The following DCUN1D5 variants were observed in gnomAD, a reference collection of about 807,000 sequenced individuals.
DCUN1D5 encodes the protein DCN1-like protein 5.
In DCUN1D5, 10 loss-of-function variants were observed where a neutral mutation model predicts 38.3. That is an observed-to-expected ratio of 0.26 (90% CI 0.16 to 0.44). The LOEUF is 0.44. Ranked by LOEUF, DCUN1D5 falls within the 20% of genes least tolerant of loss-of-function variation. The pLI is 1.00. For missense variants in DCUN1D5, 148 were observed against 275.3 expected (o/e 0.54, Z 3.27); for synonymous variants, 93 against 90.9 (o/e 1.02, Z -0.13).
rs568245892 is a variant in DCUN1D5, at chr11:103,057,444, C to CTGTA, written c.*4911_*4914dup. 3.2e-3 allele frequency among the ~76,000 whole-genome samples: 485 copies of CTGTA among 152,118 alleles called. 3 individuals carry two copies. Among genetic ancestry groups the CTGTA allele is most frequent in the African/African-American group, 0.011 (458 of 41,486 alleles). On this transcript the variant is annotated 3_prime_UTR_variant, in exon 8 of 8. Coordinates refer to ENST00000260247, the MANE Select transcript of DCUN1D5 (RefSeq NM_032299.4). This position sits in a 1 kb window ranked among gnomAD's most constrained non-coding sequence, Gnocchi z 4.8. ...ATTTCCCAGGAGTGGTGGCTCACAC[C>CTGTA]TGTAATCCCAGCACTTTGGGAGTCT...
At chr11:103,082,640 C>G in intron 4 of DCUN1D5, 108 bp downstream of exon 4, 1 of 747,856 alleles carries the variant, frequency 1.3e-6, no homozygotes, top group East Asian at 2.7e-5. Flanking sequence ...ATAGATCAAA[C>G]AGATTTGATT....
rs772407672 is a variant in DCUN1D5, at chr11:103,064,235, G to C, written c.658+40C>G. ...TGCATACTCTCATTTAATATTTTTG[G>C]AAATTTTGTTTTCAAAGGAACATGT... On this transcript the variant is annotated intron_variant, in intron 7 of 7. Transcript: ENST00000260247. The surrounding 1 kb of genome is among the most constrained non-coding windows in gnomAD (Gnocchi z 4.5). 2.0e-6 allele frequency: 3 copies of C among 1,534,416 alleles called. No homozygotes were observed. The highest frequency in any genetic ancestry group is 2.7e-6 in the Non-Finnish European group (3 of 1,119,378).
rs1337735245 is a variant in DCUN1D5 at position 103,086,275 on chromosome 11, A to G, written c.179-2949T>C. On this transcript the variant is annotated intron_variant, in intron 2 of 7. Transcript: ENST00000260247. This position sits in a 1 kb window ranked among gnomAD's most constrained non-coding sequence, Gnocchi z 4.1. Reference sequence around the variant, plus strand: ...ACACTGTAAAAAACACACAACCAGTAAATCTGATGCTGTAATGCTATTACT... The same window carrying G: ...ACACTGTAAAAAACACACAACCAGTGAATCTGATGCTGTAATGCTATTACT... Among the ~76,000 whole-genome samples, 9 of 152,204 alleles carry G rather than the reference A, an allele frequency of 5.9e-5. No individual in the cohort carries two copies. The highest frequency in any genetic ancestry group is 1.9e-4 in the African/African-American group (8 of 41,456).
chr11:103,068,375 G>A lies in DCUN1D5; in HGVS notation c.342-1808C>T, dbSNP rs187699178. ...ATCATCCTACCATAAAGATATGCAG[G>A]TGAATGTTCATTGCAGCACTATTCA... On this transcript the variant is annotated intron_variant, in intron 4 of 7. Transcript: ENST00000260247. Among the ~76,000 whole-genome samples, 169 of 152,208 alleles carry A rather than the reference G, an allele frequency of 1.1e-3. 1 individual carries two copies. The highest frequency in any genetic ancestry group is 0.01 in the Admixed American group (157 of 15,282).
Position 103,052,199 on chromosome 11 carries a change from C to G in DCUN1D5, c.*10160G>C, listed in dbSNP as rs1384225927. On this transcript the variant is annotated 3_prime_UTR_variant, in exon 8 of 8. Transcript: ENST00000260247. ...CATGAGTCAGGCACCATGCTGAGAG[C>G]TGAAGACATGGTTTCTGCCCTCAAG... 1 of 152,164 alleles carries G rather than the reference C, an allele frequency of 6.6e-6. No homozygotes were observed. Among genetic ancestry groups the G allele is most frequent in the Non-Finnish European group, 1.5e-5 (1 of 68,028 alleles). The allele number at this position is 152,164 out of a possible 1,614,324, so 9.4% of individuals were successfully genotyped here.
Position 103,073,294 on chromosome 11 carries a change from AAG to A in DCUN1D5, c.342-6729_342-6728del, listed in dbSNP as rs1286072762. The stretch of plus-strand genomic sequence containing the variant: ...GTATTCAAAGCAAGACTGACAAAAA[AAG>A]AGAGAAGACAAAAATTACCAATATC... On this transcript the variant is annotated intron_variant, in intron 4 of 7. Transcript: ENST00000260247. This position sits in a 1 kb window ranked among gnomAD's most constrained non-coding sequence, Gnocchi z 4.2. 2.6e-5 allele frequency among the ~76,000 whole-genome samples: 4 copies of A among 152,222 alleles called. No homozygotes were observed. The highest frequency in any genetic ancestry group is 1.5e-5 in the Non-Finnish European group (1 of 68,038).
intron 3 of DCUN1D5, 72 bp from the exon 4 acceptor site, chr11:103,082,911 A>T: frequency 1.6e-6 from 2 of 1,221,236 alleles, no homozygotes; most frequent in Middle Eastern, 4.2e-4. Flanking sequence ...TTTATCATGG[A>T]GAGCATTTTT....
intron 4 of DCUN1D5, among the ~76,000 whole-genome samples, chr11:103,074,704 G>C (rs936519060): frequency 1.3e-5 from 2 of 152,074 alleles, no homozygotes; most frequent in African/African-American, 4.8e-5. Flanking sequence ...ATGCCCAGGA[G>C]TTTTTAATCT....
In DCUN1D5 at chr11:103,051,428, TA is replaced by T. The variant is rs931360939; in HGVS notation, c.*10930del. 6 of 150,168 alleles carry T rather than the reference TA, an allele frequency of 4.0e-5. No individual in the cohort carries two copies. Among genetic ancestry groups the T allele is most frequent in the African/African-American group, 1.5e-4 (6 of 40,440 alleles). 9.3% of individuals were successfully genotyped at this position (150,168 alleles called of 1,614,324 possible). On this transcript the variant is annotated 3_prime_UTR_variant, in exon 8 of 8. Transcript: ENST00000260247. ...GTTCATGACTTATTCACCTGTGACA[TA>T]ACTTTGGAGTCTCATGGGAGTTCCA...
At position 103,091,918 on chromosome 11, in the gene DCUN1D5, G is replaced by T. The variant is rs760172719; in HGVS notation, c.-46C>A. 5 of 1,553,268 alleles carry T rather than the reference G, an allele frequency of 3.2e-6. No individual in the cohort carries two copies. Among genetic ancestry groups the T allele is most frequent in the Admixed American group, 1.8e-5 (1 of 56,648 alleles). ...GTGGGCAGGGGAGCCGGGGAAGGGG[G>T]TCCCTGTCCGCTGGAAGCCCCTCAG... On this transcript the variant is annotated 5_prime_UTR_variant, in exon 1 of 8. Coordinates refer to ENST00000260247, the MANE Select transcript of DCUN1D5 (RefSeq NM_032299.4). This position sits in a 1 kb window ranked among gnomAD's most constrained non-coding sequence, Gnocchi z 4.3.
intron 4 of DCUN1D5, among the ~76,000 whole-genome samples, chr11:103,067,990 A>G (rs1322657212): frequency 6.6e-6 from 1 of 152,194 alleles, no homozygotes; most frequent in Non-Finnish European, 1.5e-5. Flanking sequence ...GGGAAGGAAA[A>G]CTTTTAACTA....
In DCUN1D5 at chr11:103,066,182, T is replaced by C. The variant is rs375585837; in HGVS notation, c.555+87A>G. ...TCTCTAAAGTTTTTTTAAAGCATACTATTAAAAATCTACTTGTTCCTCAAA... is the reference window on the plus strand; with the variant it reads ...TCTCTAAAGTTTTTTTAAAGCATACCATTAAAAATCTACTTGTTCCTCAAA... On this transcript the variant is annotated intron_variant, in intron 6 of 7. Coordinates refer to ENST00000260247, the MANE Select transcript of DCUN1D5 (RefSeq NM_032299.4). The surrounding 1 kb of genome is among the most constrained non-coding windows in gnomAD (Gnocchi z 4.7). The C allele has an allele frequency of 1.9e-5, 15 of 804,448 alleles. No homozygotes were observed. In the East Asian group the frequency reaches 3.8e-4, roughly 20 times the overall value. 49.8% of individuals were successfully genotyped at this position (804,448 alleles called of 1,614,324 possible).
At position 103,053,975 on chromosome 11, in the gene DCUN1D5, A is replaced by G. The variant is rs1282306951; in HGVS notation, c.*8384T>C. 6.6e-6 allele frequency: 1 copy of G among 152,162 alleles called. No individual in the cohort carries two copies. Among genetic ancestry groups the G allele is most frequent in the Non-Finnish European group, 1.5e-5 (1 of 67,988 alleles). 9.4% of individuals were successfully genotyped at this position (152,162 alleles called of 1,614,324 possible). A position where few individuals can be genotyped will look rare whatever the true frequency, so the allele number is the denominator to read the frequency against. ...TCCTCATGTTACAGACAAGGAAATGAAAGAACTAGCACACAGAAATAGGTA... is the reference window on the plus strand; with the variant it reads ...TCCTCATGTTACAGACAAGGAAATGGAAGAACTAGCACACAGAAATAGGTA... On this transcript the variant is annotated 3_prime_UTR_variant, in exon 8 of 8. Coordinates refer to ENST00000260247, the MANE Select transcript of DCUN1D5 (RefSeq NM_032299.4). This position sits in a 1 kb window ranked among gnomAD's most constrained non-coding sequence, Gnocchi z 4.8.
intron 2 of DCUN1D5, among the ~76,000 whole-genome samples, chr11:103,088,157 T>C (rs1338174083): frequency 6.6e-6 from 1 of 152,152 alleles, no homozygotes; most frequent in Non-Finnish European, 1.5e-5. Context: ...AGTCTCACAT[T>C]CCATACAATT....
Position 103,092,114 on chromosome 11 carries a change from G to A in DCUN1D5, c.-242C>T, listed in dbSNP as rs1032851630. 1 of 482,988 alleles carries A rather than the reference G, an allele frequency of 2.1e-6. No homozygotes were observed. Among genetic ancestry groups the A allele is most frequent in the Non-Finnish European group, 3.7e-6 (1 of 272,740 alleles). 29.9% of individuals were successfully genotyped at this position (482,988 alleles called of 1,614,324 possible). ...GGACACTGCGGTTCGTTCTCACCGG[G>A]AGGAGATAACGCGGACAGCGCGGCA... On this transcript the variant is annotated 5_prime_UTR_variant, in exon 1 of 8. Transcript: ENST00000260247.
In DCUN1D5 at chr11:103,091,885, C is replaced by A; in HGVS notation, c.-13G>T. On this transcript the variant is annotated 5_prime_UTR_variant, in exon 1 of 8. Coordinates refer to ENST00000260247, the MANE Select transcript of DCUN1D5 (RefSeq NM_032299.4). This position sits in a 1 kb window ranked among gnomAD's most constrained non-coding sequence, Gnocchi z 4.3. Reference sequence around the variant, plus strand: ...TCTTCACCGGCATCTTCCGCCCTCCCCGGCAGGGTGGGCAGGGGAGCCGGG... The same window carrying A: ...TCTTCACCGGCATCTTCCGCCCTCCACGGCAGGGTGGGCAGGGGAGCCGGG... 6.2e-7 allele frequency: 1 copy of A among 1,611,032 alleles called. No individual in the cohort carries two copies. The highest frequency in any genetic ancestry group is 8.5e-7 in the Non-Finnish European group (1 of 1,178,344).
chr11:103,064,214 TA>T lies in DCUN1D5; in HGVS notation c.658+60del. ...TCTATGCTAATACTACACAAATGCA[TA>T]CTCTCATTTAATATTTTTGGAAATT... is the stretch of plus-strand genomic sequence containing the variant. On this transcript the variant is annotated intron_variant, in intron 7 of 7. Coordinates refer to ENST00000260247, the MANE Select transcript of DCUN1D5 (RefSeq NM_032299.4). The surrounding 1 kb of genome is among the most constrained non-coding windows in gnomAD (Gnocchi z 4.5). 1 of 1,253,690 alleles carries T rather than the reference TA, an allele frequency of 8.0e-7. No homozygotes were observed. The highest frequency in any genetic ancestry group is 2.0e-4 in the Middle Eastern group (1 of 5,096). The allele number at this position is 1,253,690 out of a possible 1,614,324, so 77.7% of individuals were successfully genotyped here.
Position 103,063,436 on chromosome 11 carries a change from TAA to T in DCUN1D5, c.658+837_658+838del, listed in dbSNP as rs951235133. ...TTACTGCTGCTAGGTATTATTTCTT[TAA>T]AATAATACTAAATTTTATACCATCT... On this transcript the variant is annotated intron_variant, in intron 7 of 7. Transcript: ENST00000260247. The surrounding 1 kb of genome is among the most constrained non-coding windows in gnomAD (Gnocchi z 4.6). Among the ~76,000 whole-genome samples, 2 of 152,172 alleles carry T rather than the reference TAA, an allele frequency of 1.3e-5. No individual in the cohort carries two copies. Among genetic ancestry groups the T allele is most frequent in the Non-Finnish European group, 2.9e-5 (2 of 67,992 alleles).
intron 2 of DCUN1D5, among the ~76,000 whole-genome samples, chr11:103,084,616 C>T (rs932562392): frequency 1.3e-5 from 2 of 152,094 alleles, no homozygotes; most frequent in Non-Finnish European, 2.9e-5. Flanking sequence ...AAAAGGCATA[C>T]ATATACAATA....
Sources: gnomAD v4.1 joint callset for allele counts (sites outside exome capture counted in the v4.1 genomes callset) on GRCh38, gnomAD v4.1.1 for gene constraint, Gnocchi (gnomAD v3.1) non-coding constraint, MANE v1.5 for transcripts, NCBI Gene and HGNC (gene_info 2026-07-23, HGNC 2026-07-21) for gene names.